FBXO11: variants seen among roughly 807,000 people sequenced by gnomAD.
The protein encoded by FBXO11 is F-box protein 11, also known as F-box only protein 11.
In FBXO11, 13 loss-of-function variants were observed where a neutral mutation model predicts 117.0. The ratio of observed to expected loss-of-function variants is 0.11; its 90% CI spans 0.07 to 0.18. The LOEUF is 0.18. Among genes scored for constraint, FBXO11 ranks in the 10% least tolerant of loss-of-function variants. The probability of loss-of-function intolerance (pLI) is 1.00; values close to 1 mark genes in which losing one functional copy is unlikely to be tolerated. For synonymous variants in FBXO11, 490 were observed against 380.5 expected, an observed-to-expected ratio of 1.29 and a Z score of -3.35; for missense variants, 767 against 1,164.4, an observed-to-expected ratio of 0.66 and a Z score of 4.97.
At chr2:47,846,367 T>C (rs1673407373) in intron 1 of FBXO11, among the ~76,000 whole-genome samples, 1 of 152,160 alleles carries the variant, frequency 6.6e-6, no homozygotes, top group Admixed American at 6.5e-5. Flanking sequence ...CTCAGGAGGA[T>C]GAGGCAGGAG....
At chr2:47,901,776 C>A (rs1258555427) in intron 1 of FBXO11, among the ~76,000 whole-genome samples, 2 of 152,038 alleles carry the variant, frequency 1.3e-5, no homozygotes, top group Non-Finnish European at 2.9e-5. Flanking sequence ...AAAAAAATTA[C>A]AAAATACATT....
chr2:47,872,220 G>A (rs532415700), intron 1 of FBXO11, among the ~76,000 whole-genome samples: 2 of 152,316 alleles, frequency 1.3e-5, no homozygotes, highest in African/African-American at 4.8e-5. Context: ...TAACTGGTAG[G>A]ATTTAGTGTA....
At chr2:47,875,450 T>C (rs1675928209) in intron 1 of FBXO11, among the ~76,000 whole-genome samples, 2 of 152,014 alleles carry the variant, frequency 1.3e-5, no homozygotes, top group South Asian at 2.1e-4. Context: ...TGACTATTTA[T>C]TACATCTTCC....
intron 1 of FBXO11, among the ~76,000 whole-genome samples, chr2:47,902,029 G>A (rs1285049942): frequency 1.3e-5 from 2 of 152,282 alleles, no homozygotes; most frequent in South Asian, 2.1e-4. Context: ...TCAGCCTCCC[G>A]CGTTCAAGCG....
intron 14 of FBXO11, among the ~76,000 whole-genome samples, chr2:47,819,461 G>A (rs756011623): frequency 3.3e-5 from 5 of 152,078 alleles, no homozygotes; most frequent in South Asian, 4.1e-4. Context: ...TGATCCACCC[G>A]CGTTGGCCTC....
At chr2:47,820,306 T>C (rs1572779055) in intron 14 of FBXO11, 56 bp downstream of exon 14, 1 of 1,407,748 alleles carries the variant, frequency 7.1e-7, no homozygotes, top group Non-Finnish European at 9.9e-7. Flanking sequence ...GGAGAAACCC[T>C]TTATCCCCCT....
At chr2:47,843,773 C>G (rs1179900029) in intron 1 of FBXO11, among the ~76,000 whole-genome samples, 2 of 151,838 alleles carry the variant, frequency 1.3e-5, no homozygotes, top group African/African-American at 4.8e-5. Flanking sequence ...ATGAGTCTTG[C>G]TCTGTTGCCC....
intron 1 of FBXO11, 31 bp downstream of exon 1, chr2:47,905,458 G>T: frequency 8.2e-7 from 1 of 1,213,432 alleles, no homozygotes; most frequent in South Asian, 3.6e-5. Context: ...TGCCCGGGAA[G>T]GCGGGCGGTT....
chr2:47,845,583 G>A (rs913472612), intron 1 of FBXO11, among the ~76,000 whole-genome samples: 6 of 152,202 alleles, frequency 3.9e-5, no homozygotes, highest in East Asian at 3.9e-4. Context: ...ATTTGGGTTC[G>A]CTTCATCTTT....
chr2:47,851,553 AT>A (rs1366026119), intron 1 of FBXO11, among the ~76,000 whole-genome samples: 1 of 152,124 alleles, frequency 6.6e-6, no homozygotes, highest in Non-Finnish European at 1.5e-5. Flanking sequence ...TTTGCTAGTC[AT>A]TGTGAATATG....
intron 1 of FBXO11, among the ~76,000 whole-genome samples, chr2:47,884,180 T>C (rs984948254): frequency 6.6e-5 from 10 of 152,060 alleles, no homozygotes; most frequent in South Asian, 2.1e-4. Context: ...GATTGTGCCA[T>C]TGCACTCCAG....
intron 1 of FBXO11, among the ~76,000 whole-genome samples, chr2:47,868,466 T>G (rs569630263): frequency 6.6e-6 from 1 of 152,176 alleles, no homozygotes; most frequent in Non-Finnish European, 1.5e-5. Context: ...TACTTTATTT[T>G]TGAGAAATTT....
chr2:47,851,701 C>A (rs1032152268), intron 1 of FBXO11, among the ~76,000 whole-genome samples: 3 of 152,166 alleles, frequency 2.0e-5, no homozygotes, highest in African/African-American at 7.2e-5. Context: ...TCGTCATACG[C>A]ACACAGTTTA....
intron 1 of FBXO11, among the ~76,000 whole-genome samples, chr2:47,900,116 C>A (rs74646951): frequency 0.14 from 21,065 of 151,988 alleles, 1,623 homozygotes; most frequent in Non-Finnish European, 0.18. Flanking sequence ...AGCTCTTAGG[C>A]CTTATCAGCA....
Position 47,905,606 on chromosome 2 carries a change from G to T in FBXO11, c.115C>A (p.Gln39Lys). ...QQPPPQPPQQ[Q>K]PPQQQPPPPP... ...GGCGGAGGCTGCTGCTGGGGCGGCTGCTGCTGGGGCGGCTGCGGCGGCGGC... is the reference window on the plus strand; with the variant it reads ...GGCGGAGGCTGCTGCTGGGGCGGCTTCTGCTGGGGCGGCTGCGGCGGCGGC... Residue 39 changes from glutamine (Q) to lysine (K), a missense_variant, in exon 1 of 23, where the codon CAG (glutamine) becomes AAG (lysine). Physicochemically the swap from Gln to Lys is moderately conservative, Grantham distance 53. This residue lies in a region of FBXO11 where 355 missense variants were observed against 299.8 expected (regional missense o/e 1.18). Coordinates refer to ENST00000403359, the MANE Select transcript of FBXO11 (RefSeq NM_001190274.2). The T allele has an allele frequency of 7.6e-7, 1 of 1,318,866 alleles. No homozygotes were observed. The highest frequency in any genetic ancestry group is 9.7e-7 in the Non-Finnish European group (1 of 1,036,136). The allele number at this position is 1,318,866 out of a possible 1,614,324, so 81.7% of individuals were successfully genotyped here. A position where few individuals can be genotyped will look rare whatever the true frequency, so the allele number is the denominator to read the frequency against.
chr2:47,845,864 G>T (rs1673366825), intron 1 of FBXO11, among the ~76,000 whole-genome samples: 1 of 151,242 alleles, frequency 6.6e-6, no homozygotes, highest in African/African-American at 2.4e-5. Context: ...CATCACTAGT[G>T]GTGGCTTATC....
Position 47,906,344 on chromosome 2 carries a change from T to G in FBXO11, c.-624A>C, listed in dbSNP as rs980550466. 2.0e-5 allele frequency among the ~76,000 whole-genome samples: 3 copies of G among 151,644 alleles called. No individual in the cohort carries two copies. Among genetic ancestry groups the G allele is most frequent in the Non-Finnish European group, 4.4e-5 (3 of 67,888 alleles). On this transcript the variant is annotated 5_prime_UTR_variant, in exon 1 of 23. Transcript: ENST00000403359. ...CTCTCCTCGGCGAAGGGGAAATGAG[T>G]GTGAAGGGAGGAGATAGGGGGAAAA...
intron 18 of FBXO11, among the ~76,000 whole-genome samples, chr2:47,812,533 G>C (rs1670693969): frequency 6.6e-6 from 1 of 152,102 alleles, no homozygotes; most frequent in Non-Finnish European, 1.5e-5. Flanking sequence ...TAGATTATAA[G>C]CTCCTGGAGA....
At chr2:47,820,205 G>A (rs542668769) in intron 14 of FBXO11, among the ~76,000 whole-genome samples, 157 bp downstream of exon 14, 1 of 152,288 alleles carries the variant, frequency 6.6e-6, no homozygotes, top group Admixed American at 6.5e-5. Context: ...GATACTGGCA[G>A]GGAGAAGAAG....
Sources: allele counts gnomAD v4.1 joint callset (sites outside exome capture counted in the v4.1 genomes callset), GRCh38; gene constraint gnomAD v4.1.1; regional missense constraint gnomAD v4.1.1; transcripts MANE v1.5; gene names NCBI Gene and HGNC (gene_info 2026-07-23, HGNC 2026-07-21).